ELP3: variants seen among roughly 807,000 people sequenced by gnomAD.
ELP3 encodes elongator acetyltransferase complex subunit 3.
In ELP3, 56 loss-of-function variants were observed where a neutral mutation model predicts 74.9. The ratio of observed to expected loss-of-function variants is 0.75; its 90% CI spans 0.60 to 0.93. The LOEUF (loss-of-function observed/expected upper bound fraction) is 0.93, where lower values mean the gene tolerates loss of function less well. Ranked by LOEUF, ELP3 falls within the 40% of genes least tolerant of loss-of-function variation. ELP3 has a pLI of 0.00. For missense variants in ELP3, 573 were observed against 686.5 expected, an observed-to-expected ratio of 0.83 and a Z score of 1.85; for synonymous variants, 222 against 239.8, an observed-to-expected ratio of 0.93 and a Z score of 0.68.
chr8:28,099,732 G>A, intron 2 of ELP3, 96 bp from the exon 3 acceptor site: 3 of 1,337,152 alleles, frequency 2.2e-6, no homozygotes, highest in Non-Finnish European at 1.1e-6. Context: ...GGATTGGAGA[G>A]TGACAGTTGT....
At position 28,189,745 on chromosome 8, in the gene ELP3, T is replaced by C. The variant is rs1815384146; in HGVS notation, c.*20T>C. On this transcript the variant is annotated 3_prime_UTR_variant, in exon 15 of 15. Coordinates refer to ENST00000256398, the MANE Select transcript of ELP3 (RefSeq NM_018091.6). ...AAATAATGGCCACACCAGTCCACTC[T>C]TCTGCAGTATCCTCCCTGGCAGAAC... 1 of 1,608,898 alleles carries C rather than the reference T, an allele frequency of 6.2e-7. No homozygotes were observed. Among genetic ancestry groups the C allele is most frequent in the African/African-American group, 1.3e-5 (1 of 74,838 alleles).
At chr8:28,101,821 C>T (rs1811501953) in intron 3 of ELP3, among the ~76,000 whole-genome samples, 1 of 152,030 alleles carries the variant, frequency 6.6e-6, no homozygotes, top group Non-Finnish European at 1.5e-5. Context: ...AACTCTTGAC[C>T]TGAGGTGATC....
intron 14 of ELP3, among the ~76,000 whole-genome samples, chr8:28,189,412 C>T (rs1473904827): frequency 2.6e-5 from 4 of 152,206 alleles, no homozygotes; most frequent in African/African-American, 7.2e-5. Flanking sequence ...GTGTCACATA[C>T]CCTGAGCTTG....
chr8:28,151,067 A>C (rs952834310), intron 10 of ELP3, among the ~76,000 whole-genome samples: 1 of 151,942 alleles, frequency 6.6e-6, no homozygotes, highest in Non-Finnish European at 1.5e-5. Context: ...GAGCCACCGT[A>C]CTCGGCCTGT....
At chr8:28,093,320 G>T in intron 1 of ELP3, 87 bp downstream of exon 1, 3 of 1,553,712 alleles carry the variant, frequency 1.9e-6, no homozygotes, top group Non-Finnish European at 2.6e-6. Context: ...AACTTTTACC[G>T]CGAGAATCCG....
rs919394751 is a variant in ELP3 at position 28,147,771 on chromosome 8, A to G, written c.1101-8171A>G. 6.6e-5 allele frequency among the ~76,000 whole-genome samples: 10 copies of G among 152,112 alleles called. No homozygotes were observed. The highest frequency in any genetic ancestry group is 1.2e-4 in the Non-Finnish European group (8 of 68,014). On this transcript the variant is annotated intron_variant, in intron 10 of 14. Coordinates refer to ENST00000256398, the MANE Select transcript of ELP3 (RefSeq NM_018091.6). This position sits in a 1 kb window ranked among gnomAD's most constrained non-coding sequence, Gnocchi z 4.5. Reference sequence around the variant, plus strand: ...AGTTTCTAAAGCCACTCTCCACTAAAAGAAATCAGTGCTTAGAAAAATGGC... The same window carrying G: ...AGTTTCTAAAGCCACTCTCCACTAAGAGAAATCAGTGCTTAGAAAAATGGC...
At position 28,154,998 on chromosome 8, in the gene ELP3, C is replaced by G. The variant is rs141608111; in HGVS notation, c.1101-944C>G. 2.6e-3 allele frequency among the ~76,000 whole-genome samples: 397 copies of G among 152,186 alleles called. 3 individuals carry two copies. The highest frequency in any genetic ancestry group is 9.2e-3 in the African/African-American group (383 of 41,514). ...AATCGATTGGCTTTTGATACTTTTG[C>G]TGGAGGAATATCTTATTAAAATCAA... On this transcript the variant is annotated intron_variant, in intron 10 of 14. Transcript: ENST00000256398.
At chr8:28,158,515 T>G in intron 11 of ELP3, 53 bp from the exon 12 acceptor site, 1 of 1,163,340 alleles carries the variant, frequency 8.6e-7, no homozygotes, top group Non-Finnish European at 1.3e-6. Flanking sequence ...ACCAGTTTTA[T>G]ATTTGTACCC....
At chr8:28,106,341 C>A (rs186095365) in intron 3 of ELP3, among the ~76,000 whole-genome samples, 1 of 151,688 alleles carries the variant, frequency 6.6e-6, no homozygotes, top group African/African-American at 2.4e-5. Context: ...GAGATCGAGA[C>A]CATCCCGGCT....
At chr8:28,092,115 T>C (rs1480654063), upstream of ELP3, among the ~76,000 whole-genome samples, 1 of 152,224 alleles carries the variant, frequency 6.6e-6, no homozygotes, top group South Asian at 2.1e-4. Context: ...AATTTCCCTG[T>C]GAGCAACTCC....
chr8:28,093,372 C>T (rs776334547), intron 1 of ELP3, 139 bp downstream of exon 1: 4 of 1,163,218 alleles, frequency 3.4e-6, no homozygotes, highest in South Asian at 3.0e-5. Context: ...TCAGTGTGTC[C>T]ATTCTGGTCC....
intron 14 of ELP3, among the ~76,000 whole-genome samples, chr8:28,187,534 G>A (rs1815287055): frequency 6.6e-6 from 1 of 152,146 alleles, no homozygotes; most frequent in South Asian, 2.1e-4. Flanking sequence ...CTGCATGATG[G>A]TGCCTCCTTG....
chr8:28,107,915 A>G lies in ELP3; in HGVS notation c.332A>G (p.Tyr111Cys). 6.2e-7 allele frequency: 1 copy of G among 1,613,840 alleles called. No individual in the cohort carries two copies. The highest frequency in any genetic ancestry group is 8.5e-7 in the Non-Finnish European group (1 of 1,179,840). Reference protein sequence around the residue: ...HISFTGNICVYCPGGPDSDFE... With the variant: ...HISFTGNICVCCPGGPDSDFE... Reference sequence around the variant, plus strand: ...TTGTTCTTTTGTTGTACTGGCAGATACTGCCCTGGTGGACCTGATTCTGAT... The same window carrying G: ...TTGTTCTTTTGTTGTACTGGCAGATGCTGCCCTGGTGGACCTGATTCTGAT... The change falls in exon 5 of 15, where the codon TAC (tyrosine) becomes TGC (cysteine). Residue 111 changes from tyrosine (Y) to cysteine (C), a missense_variant and splice_region_variant. By Grantham distance (194) the Tyr-to-Cys change is radical. Transcript: ENST00000256398.
At chr8:28,100,862 T>C (rs1468994036) in intron 3 of ELP3, among the ~76,000 whole-genome samples, 1 of 152,118 alleles carries the variant, frequency 6.6e-6, no homozygotes, top group Non-Finnish European at 1.5e-5. Flanking sequence ...CAGAAATTGA[T>C]AGAATTAAGA....
chr8:28,170,165 G>A (rs1814464377), intron 14 of ELP3, among the ~76,000 whole-genome samples: 1 of 152,230 alleles, frequency 6.6e-6, no homozygotes, highest in Non-Finnish European at 1.5e-5. Context: ...GTTGGTCAGA[G>A]TCACTGGGCC....
chr8:28,177,278 G>A (rs1311085256), intron 14 of ELP3, among the ~76,000 whole-genome samples: 6 of 152,150 alleles, frequency 3.9e-5, no homozygotes, highest in Non-Finnish European at 7.4e-5. Context: ...GGGTCGTGTA[G>A]TTAATTGGTT....
At chr8:28,139,248 T>C (rs1813122985) in intron 10 of ELP3, among the ~76,000 whole-genome samples, 2 of 152,102 alleles carry the variant, frequency 1.3e-5, no homozygotes, top group Non-Finnish European at 2.9e-5. Context: ...ACCAGTTACT[T>C]ACAGGGAGTT....
At chr8:28,094,727 G>A (rs1308865577) in intron 1 of ELP3, among the ~76,000 whole-genome samples, 1 of 151,650 alleles carries the variant, frequency 6.6e-6, no homozygotes, top group African/African-American at 2.4e-5. Flanking sequence ...GGGTGACCGA[G>A]CAAGACTCTG....
chr8:28,092,638 G>A (rs1317320420), upstream of ELP3, among the ~76,000 whole-genome samples: 1 of 152,088 alleles, frequency 6.6e-6, no homozygotes, highest in African/African-American at 2.4e-5. Context: ...CCGATCATAT[G>A]TGCCATTCAT....
Sources: allele counts gnomAD v4.1 joint callset (sites outside exome capture counted in the v4.1 genomes callset), GRCh38; gene constraint gnomAD v4.1.1; non-coding constraint Gnocchi (gnomAD v3.1); transcripts MANE v1.5; gene names NCBI Gene and HGNC (gene_info 2026-07-23, HGNC 2026-07-21).